The following SLX4IP variants were observed in gnomAD, a reference collection of about 807,000 sequenced individuals.
The protein encoded by SLX4IP is SLX4 interacting protein, also known as protein SLX4IP.
In SLX4IP, 34 loss-of-function variants were observed where a neutral mutation model predicts 32.9. The observed-to-expected ratio is 1.03, with a 90% CI of 0.79 to 1.38. SLX4IP has a LOEUF of 1.38. Among genes scored for constraint, SLX4IP ranks in the 40% most tolerant of loss-of-function variants. SLX4IP has a pLI of 0.00. For synonymous variants in SLX4IP, 172 were observed against 171.7 expected (o/e 1.00, Z -0.01); for missense variants, 444 against 479.0 (o/e 0.93, Z 0.68).
intron 2 of SLX4IP, among the ~76,000 whole-genome samples, chr20:10,515,949 C>T (rs187188433): frequency 1.9e-4 from 29 of 152,214 alleles, no homozygotes; most frequent in Non-Finnish European, 3.5e-4. Flanking sequence ...AGTACACTGG[C>T]GTGATCATAG....
intron 2 of SLX4IP, among the ~76,000 whole-genome samples, chr20:10,458,655 T>G (rs2122343995): frequency 6.6e-6 from 1 of 152,310 alleles, no homozygotes; most frequent in African/African-American, 2.4e-5. Flanking sequence ...GGATAATGCC[T>G]TCCAGCTCCA....
chr20:10,451,870 A>C (rs544510272), intron 1 of SLX4IP, among the ~76,000 whole-genome samples: 41 of 152,260 alleles, frequency 2.7e-4, no homozygotes, highest in African/African-American at 9.4e-4. Flanking sequence ...TGGGAGGCTG[A>C]GGCAGGGGAA....
chr20:10,455,005 G>A (rs112394150), intron 1 of SLX4IP, among the ~76,000 whole-genome samples: 124 of 152,246 alleles, frequency 8.1e-4, no homozygotes, highest in African/African-American at 2.7e-3. Flanking sequence ...ATGATGTTAA[G>A]CATCTTTTCA....
intron 2 of SLX4IP, among the ~76,000 whole-genome samples, chr20:10,464,268 T>C (rs6039952): frequency 0.49 from 75,197 of 151,990 alleles, 20,028 homozygotes; most frequent in Non-Finnish European, 0.6. Flanking sequence ...ACAATCCTCC[T>C]GCCTCAGCCT....
chr20:10,593,174 A>G (rs756934338), intron 4 of SLX4IP, among the ~76,000 whole-genome samples: 11 of 152,196 alleles, frequency 7.2e-5, no homozygotes, highest in Non-Finnish European at 1.2e-4. Flanking sequence ...CTTAAAGCAA[A>G]TATCAGACCA....
chr20:10,564,781 A>T (rs1488845181), intron 4 of SLX4IP, among the ~76,000 whole-genome samples: 1 of 152,238 alleles, frequency 6.6e-6, no homozygotes, highest in East Asian at 1.9e-4. Flanking sequence ...TTTCAGTATC[A>T]GTAAAAATTA....
chr20:10,586,308 A>G (rs918810983), intron 4 of SLX4IP, among the ~76,000 whole-genome samples: 2 of 152,218 alleles, frequency 1.3e-5, no homozygotes, highest in Non-Finnish European at 2.9e-5. Flanking sequence ...TTCCAGCAGT[A>G]TGGGCAGGGG....
intron 2 of SLX4IP, among the ~76,000 whole-genome samples, chr20:10,535,542 G>A (rs1185831002): frequency 6.6e-6 from 1 of 152,118 alleles, no homozygotes; most frequent in African/African-American, 2.4e-5. Flanking sequence ...GGCTGATCTC[G>A]AACTCCTGAG....
intron 2 of SLX4IP, among the ~76,000 whole-genome samples, chr20:10,462,559 C>G (rs1369080096): frequency 6.6e-6 from 1 of 152,168 alleles, no homozygotes; most frequent in Non-Finnish European, 1.5e-5. Flanking sequence ...CCCTTTACAG[C>G]CCAACTTTCA....
chr20:10,435,647 C>CATT (rs2065104579), intron 1 of SLX4IP, among the ~76,000 whole-genome samples, 194 bp downstream of exon 1: 1 of 152,198 alleles, frequency 6.6e-6, no homozygotes, highest in African/African-American at 2.4e-5. Context: ...TGAGCATGGG[C>CATT]ATTACGGTGG....
intron 6 of SLX4IP, among the ~76,000 whole-genome samples, chr20:10,614,905 C>T (rs1265281792): frequency 6.6e-6 from 1 of 152,116 alleles, no homozygotes; most frequent in Non-Finnish European, 1.5e-5. Context: ...TACGGCAAGT[C>T]AGAAATAATG....
chr20:10,438,328 A>G (rs1435293585), intron 1 of SLX4IP, among the ~76,000 whole-genome samples: 1 of 152,028 alleles, frequency 6.6e-6, no homozygotes, highest in African/African-American at 2.4e-5. Flanking sequence ...CAGTGAAACC[A>G]TCACCTCATC....
intron 2 of SLX4IP, among the ~76,000 whole-genome samples, chr20:10,523,117 C>T (rs966428696): frequency 6.6e-6 from 1 of 152,100 alleles, no homozygotes; most frequent in Admixed American, 6.5e-5. Context: ...CTGTAGCAGA[C>T]CTCTTGGCAT....
intron 1 of SLX4IP, among the ~76,000 whole-genome samples, chr20:10,447,012 A>G (rs1007623028): frequency 6.6e-6 from 1 of 152,206 alleles, no homozygotes; most frequent in African/African-American, 2.4e-5. Context: ...GTTCATAAAA[A>G]TATCCTCTGA....
intron 1 of SLX4IP, among the ~76,000 whole-genome samples, chr20:10,440,492 A>G (rs2065152570): frequency 6.6e-6 from 1 of 152,002 alleles, no homozygotes; most frequent in Admixed American, 6.6e-5. Flanking sequence ...ATAAATAAAT[A>G]TTATTTTTAA....
intron 1 of SLX4IP, among the ~76,000 whole-genome samples, chr20:10,451,765 G>A (rs1485734023): frequency 6.0e-5 from 9 of 151,190 alleles, no homozygotes; most frequent in African/African-American, 1.9e-4. Context: ...TCAGGAGTTC[G>A]AGAACAGCTT....
intron 1 of SLX4IP, among the ~76,000 whole-genome samples, chr20:10,442,271 G>C (rs1425032443): frequency 1.3e-5 from 2 of 152,120 alleles, no homozygotes; most frequent in African/African-American, 4.8e-5. Flanking sequence ...TTCTTTATTA[G>C]AGTTTATCTC....
intron 2 of SLX4IP, among the ~76,000 whole-genome samples, chr20:10,548,339 T>C (rs944176570): frequency 1.3e-5 from 2 of 151,970 alleles, no homozygotes; most frequent in African/African-American, 4.8e-5. Flanking sequence ...CCCGGGTTCA[T>C]GCCATTCTCC....
intron 4 of SLX4IP, among the ~76,000 whole-genome samples, chr20:10,570,878 A>G (rs964925231): frequency 2.6e-5 from 4 of 152,036 alleles, no homozygotes; most frequent in Middle Eastern, 3.4e-3. Flanking sequence ...TGCCCAGGCC[A>G]GAGTGCAGTG....
Sources: allele counts gnomAD v4.1 joint callset (sites outside exome capture counted in the v4.1 genomes callset), GRCh38; gene constraint gnomAD v4.1.1; transcripts MANE v1.5; gene names NCBI Gene and HGNC (gene_info 2026-07-23, HGNC 2026-07-21).